RAB1A: variants seen among roughly 807,000 people sequenced by gnomAD.
RAB1A encodes ras-related protein Rab-1A.
RAB1A carries 2 observed loss-of-function variants against 26.0 expected under a neutral mutation model. The ratio of observed to expected loss-of-function variants is 0.08; its 90% CI spans 0.03 to 0.24. The LOEUF (loss-of-function observed/expected upper bound fraction) is 0.24. Among genes scored for constraint, RAB1A ranks in the 10% least tolerant of loss-of-function variants. The probability of loss-of-function intolerance (pLI) is 1.00; values close to 1 mark genes in which losing one functional copy is unlikely to be tolerated. For missense variants in RAB1A, 100 were observed against 247.0 expected (o/e 0.40, Z 3.99); for synonymous variants, 84 against 84.9 (o/e 0.99, Z 0.06).
chr2:65,120,179 C>T (rs139762241), intron 1 of RAB1A, among the ~76,000 whole-genome samples: 4 of 152,030 alleles, frequency 2.6e-5, no homozygotes, highest in East Asian at 3.9e-4. Context: ...CAAATTAGGC[C>T]GGGAACAGTG....
chr2:65,108,056 C>CAAA (rs59507384), intron 1 of RAB1A, among the ~76,000 whole-genome samples: 2 of 127,192 alleles, frequency 1.6e-5, no homozygotes, highest in Admixed American at 8.0e-5. Context: ...AGAGGAGTCT[C>CAAA]AAAAAAAAAA....
chr2:65,125,752 C>T (rs1329834743), intron 1 of RAB1A, among the ~76,000 whole-genome samples: 1 of 151,656 alleles, frequency 6.6e-6, no homozygotes, highest in East Asian at 1.9e-4. Context: ...TAATCACTGC[C>T]TGCTTCAAAA....
At chr2:65,107,586 C>T (rs552251104) in intron 1 of RAB1A, among the ~76,000 whole-genome samples, 2 of 152,054 alleles carry the variant, frequency 1.3e-5, no homozygotes, top group Non-Finnish European at 2.9e-5. Context: ...TCCAGGTGTT[C>T]AAGTGATTCT....
At chr2:65,106,475 A>C in intron 1 of RAB1A, 1 of 266,224 alleles carries the variant, frequency 3.8e-6, no homozygotes, top group Non-Finnish European at 7.5e-6. Context: ...GTGAATATTC[A>C]ACTATTACGT....
At chr2:65,117,409 G>A (rs1669850684) in intron 1 of RAB1A, among the ~76,000 whole-genome samples, 1 of 151,884 alleles carries the variant, frequency 6.6e-6, no homozygotes, top group African/African-American at 2.4e-5. Context: ...AGGTTGCTCA[G>A]GCTGATTTGA....
At chr2:65,102,386 T>A (rs935836758) in intron 2 of RAB1A, among the ~76,000 whole-genome samples, 1 of 152,072 alleles carries the variant, frequency 6.6e-6, no homozygotes, top group Non-Finnish European at 1.5e-5. Context: ...TTATTTAATA[T>A]TTTTTAAATA....
intron 1 of RAB1A, among the ~76,000 whole-genome samples, chr2:65,124,767 A>G (rs1284537003): frequency 6.6e-6 from 1 of 152,132 alleles, no homozygotes; most frequent in East Asian, 1.9e-4. Flanking sequence ...TCTTTAAATG[A>G]TCCTACAAGA....
At chr2:65,090,893 C>A in intron 4 of RAB1A, 90 bp downstream of exon 4, 1 of 761,806 alleles carries the variant, frequency 1.3e-6, no homozygotes, top group South Asian at 2.8e-5. Context: ...ATACTGATGG[C>A]TTATATATGA....
chr2:65,111,016 G>C (rs11126028), intron 1 of RAB1A, among the ~76,000 whole-genome samples: 99,881 of 152,026 alleles, frequency 0.66, 33,036 homozygotes, highest in Non-Finnish European at 0.69. Flanking sequence ...CTAAATTAAT[G>C]GATAAAACTA....
In RAB1A at chr2:65,115,500, A is replaced by G. The variant is rs187997625; in HGVS notation, c.24-10694T>C. Among the ~76,000 whole-genome samples the G allele has an allele frequency of 1.1e-4, 16 of 152,354 alleles. 1 individual carries two copies. Among genetic ancestry groups the G allele is most frequent in the Admixed American group, 9.8e-4 (15 of 15,298 alleles). On this transcript the variant is annotated intron_variant, in intron 1 of 5. Transcript: ENST00000409784. ...AAACACTTACTCCTTGCTGGAGACA[A>G]GAGGTAAGAACTTTTAGTTAGTTCA...
chr2:65,099,477 C>T (rs1669368148), intron 2 of RAB1A, among the ~76,000 whole-genome samples: 1 of 152,162 alleles, frequency 6.6e-6, no homozygotes, highest in South Asian at 2.1e-4. Context: ...CAAAGATGGA[C>T]CTTAATCGAA....
chr2:65,104,952 G>A (rs752819193), intron 1 of RAB1A, 146 bp from the exon 2 acceptor site: 1 of 769,834 alleles, frequency 1.3e-6, no homozygotes, highest in Non-Finnish European at 2.4e-6. Flanking sequence ...AGCCAAAACT[G>A]CAAACAGCCA....
At position 65,094,864 on chromosome 2, in the gene RAB1A, TATC is replaced by T. The variant is rs145414520; in HGVS notation, c.192+3104_192+3106del. On this transcript the variant is annotated intron_variant, in intron 3 of 5. Transcript: ENST00000409784. ...CCCAAATTGCACAAGGTTCTGAAAATATCATTACAGGAAAGAATGAGGACTTCA... is the reference window on the plus strand; with the variant it reads ...CCCAAATTGCACAAGGTTCTGAAAATATTACAGGAAAGAATGAGGACTTCA... 6.1e-3 allele frequency among the ~76,000 whole-genome samples: 925 copies of T among 152,246 alleles called. 11 individuals are homozygous for T. The highest frequency in any genetic ancestry group is 0.021 in the African/African-American group (882 of 41,538).
intron 1 of RAB1A, among the ~76,000 whole-genome samples, chr2:65,129,144 GT>G (rs1168012950): frequency 0.015 from 1,975 of 133,584 alleles, 39 homozygotes; most frequent in African/African-American, 0.05. Context: ...CTTGGCTTTA[GT>G]TTTTTTTTTT....
At chr2:65,093,843 C>T (rs763561507) in intron 3 of RAB1A, among the ~76,000 whole-genome samples, 2 of 151,972 alleles carry the variant, frequency 1.3e-5, no homozygotes, top group Non-Finnish European at 2.9e-5. Context: ...AGGCTGGTCA[C>T]GAACTCCTGA....
At chr2:65,104,641 T>C (rs1361009539) in intron 2 of RAB1A, 93 bp downstream of exon 2, 10 of 956,712 alleles carry the variant, frequency 1.0e-5, no homozygotes, top group Non-Finnish European at 1.6e-5. Flanking sequence ...AATTAACTTA[T>C]TCTGAATAAA....
intron 4 of RAB1A, 58 bp downstream of exon 4, chr2:65,090,925 T>C: frequency 8.4e-7 from 1 of 1,190,488 alleles, no homozygotes; most frequent in Non-Finnish European, 1.2e-6. Flanking sequence ...AATCTGACAT[T>C]AATCAAATAA....
intron 1 of RAB1A, among the ~76,000 whole-genome samples, chr2:65,115,803 A>G (rs1370491015): frequency 6.6e-6 from 1 of 152,214 alleles, no homozygotes; most frequent in Non-Finnish European, 1.5e-5. Flanking sequence ...TTTGGTATTT[A>G]GAGACAATAG....
chr2:65,106,771 T>A (rs536115677), intron 1 of RAB1A, among the ~76,000 whole-genome samples: 1 of 151,610 alleles, frequency 6.6e-6, no homozygotes, highest in African/African-American at 2.4e-5. Flanking sequence ...ATATTATCCT[T>A]AATAAATGAT....
Sources: gnomAD v4.1 joint callset for allele counts (sites outside exome capture counted in the v4.1 genomes callset) on GRCh38, gnomAD v4.1.1 for gene constraint, MANE v1.5 for transcripts, NCBI Gene and HGNC (gene_info 2026-07-23, HGNC 2026-07-21) for gene names.